The following CAPZB variants were observed in gnomAD, a reference collection of about 807,000 sequenced individuals.
The protein encoded by CAPZB is capping actin protein of muscle Z-line subunit beta.
A neutral mutation model predicts 38.1 loss-of-function variants in CAPZB; 2 were observed. The observed-to-expected ratio is 0.05, with a 90% CI of 0.02 to 0.17. The LOEUF is 0.17. Ranked by LOEUF, CAPZB falls within the 10% of genes least tolerant of loss-of-function variation. The pLI is 1.00. For missense variants in CAPZB, 161 were observed against 334.2 expected (o/e 0.48, Z 4.04); for synonymous variants, 107 against 127.4 (o/e 0.84, Z 1.08).
At chr1:19,365,169 T>C (rs936200821) in intron 4 of CAPZB, among the ~76,000 whole-genome samples, 8 of 152,142 alleles carry the variant, frequency 5.3e-5, no homozygotes, top group Non-Finnish European at 1.2e-4. Context: ...TGTGTTGCCA[T>C]GAAAATACCT....
intron 6 of CAPZB, among the ~76,000 whole-genome samples, chr1:19,350,506 C>T (rs1282956993): frequency 2.0e-5 from 3 of 152,388 alleles, no homozygotes; most frequent in South Asian, 2.1e-4. Context: ...GGTGGTCAGA[C>T]GGCTTCCCAG....
At chr1:19,415,303 G>C (rs943146593) in intron 2 of CAPZB, among the ~76,000 whole-genome samples, 3 of 152,220 alleles carry the variant, frequency 2.0e-5, no homozygotes, top group Non-Finnish European at 4.4e-5. Context: ...CAGTGCATTA[G>C]CTACTTTCAA....
At chr1:19,451,576 C>T (rs1292505451) in intron 1 of CAPZB, among the ~76,000 whole-genome samples, 1 of 152,110 alleles carries the variant, frequency 6.6e-6, no homozygotes. Context: ...ATCTGACCCT[C>T]AGACAAAACT....
At chr1:19,382,043 G>A (rs564477987) in intron 3 of CAPZB, among the ~76,000 whole-genome samples, 44 of 152,208 alleles carry the variant, frequency 2.9e-4, no homozygotes, top group African/African-American at 6.7e-4. Context: ...ACGCAGGACC[G>A]TTCCCACAGT....
intron 2 of CAPZB, among the ~76,000 whole-genome samples, chr1:19,406,191 AAGG>A (rs1384512152): frequency 6.6e-6 from 1 of 152,222 alleles, no homozygotes; most frequent in Non-Finnish European, 1.5e-5. Context: ...TGACCCAAAA[AAGG>A]AGGAGGGCGG....
chr1:19,467,690 A>G (rs1323795613), intron 1 of CAPZB, among the ~76,000 whole-genome samples: 1 of 152,194 alleles, frequency 6.6e-6, no homozygotes, highest in Non-Finnish European at 1.5e-5. Context: ...TCCCCATTAA[A>G]TTCTCTTCCA....
chr1:19,391,824 C>A (rs539299199), intron 2 of CAPZB, among the ~76,000 whole-genome samples: 1 of 152,168 alleles, frequency 6.6e-6, no homozygotes, highest in African/African-American at 2.4e-5. Context: ...GGGCTCAGCA[C>A]GGGAAGAGAT....
chr1:19,473,979 G>A (rs903665277), intron 1 of CAPZB, among the ~76,000 whole-genome samples: 1 of 152,050 alleles, frequency 6.6e-6, no homozygotes, highest in African/African-American at 2.4e-5. Context: ...GGAGAACTAA[G>A]CTATAGCATT....
chr1:19,475,049 G>A (rs2094602206), intron 1 of CAPZB, among the ~76,000 whole-genome samples: 1 of 152,100 alleles, frequency 6.6e-6, no homozygotes, highest in African/African-American at 2.4e-5. Flanking sequence ...AAAGCAAAGG[G>A]AGTGTCCACA....
At chr1:19,458,092 G>T (rs2094538657) in intron 1 of CAPZB, among the ~76,000 whole-genome samples, 1 of 105,122 alleles carries the variant, frequency 9.5e-6, no homozygotes, top group Non-Finnish European at 1.9e-5. Flanking sequence ...GAAATAAAAG[G>T]AGTTGCCAAA....
At chr1:19,353,407 A>T (rs1042858311) in intron 6 of CAPZB, among the ~76,000 whole-genome samples, 1 of 151,396 alleles carries the variant, frequency 6.6e-6, no homozygotes, top group Non-Finnish European at 1.5e-5. Flanking sequence ...CCCCCACCTC[A>T]CATCTTGGTC....
chr1:19,402,033 G>C (rs2094305874), intron 2 of CAPZB, among the ~76,000 whole-genome samples: 1 of 152,132 alleles, frequency 6.6e-6, no homozygotes, highest in Non-Finnish European at 1.5e-5. Context: ...TTATGAGAAG[G>C]GTTGCCAAAT....
chr1:19,422,673 C>G (rs1353839595), intron 1 of CAPZB, among the ~76,000 whole-genome samples: 1 of 151,874 alleles, frequency 6.6e-6, no homozygotes, highest in Non-Finnish European at 1.5e-5. Context: ...GGAGGCAGAG[C>G]TTGCAGTGAG....
intron 1 of CAPZB, among the ~76,000 whole-genome samples, chr1:19,481,422 G>A (rs2094628101): frequency 6.6e-6 from 1 of 152,206 alleles, no homozygotes; most frequent in South Asian, 2.1e-4. Flanking sequence ...AAAACACAGT[G>A]AGTGGGGTCC....
intron 1 of CAPZB, among the ~76,000 whole-genome samples, chr1:19,452,216 T>C (rs2094518414): frequency 6.6e-6 from 1 of 152,014 alleles, no homozygotes; most frequent in Non-Finnish European, 1.5e-5. Flanking sequence ...GGCTTCTGCA[T>C]GTACTATTCC....
chr1:19,385,264 T>C (rs1056717045), intron 3 of CAPZB, among the ~76,000 whole-genome samples: 3 of 152,182 alleles, frequency 2.0e-5, no homozygotes, highest in Non-Finnish European at 4.4e-5. Context: ...CGCTGCTCTA[T>C]CTCTCATGCT....
At chr1:19,386,243 C>T (rs887339379) in intron 2 of CAPZB, among the ~76,000 whole-genome samples, 1 of 152,216 alleles carries the variant, frequency 6.6e-6, no homozygotes, top group Admixed American at 6.5e-5. Context: ...AGAAAGATGA[C>T]CCCGCGGTCG....
chr1:19,463,999 C>G (rs2094560704), intron 1 of CAPZB, among the ~76,000 whole-genome samples: 1 of 143,340 alleles, frequency 7.0e-6, no homozygotes, highest in Admixed American at 7.2e-5. Context: ...ACATGGTGAA[C>G]CCCTATCTCT....
chr1:19,358,471 G>A (rs1290771659), intron 4 of CAPZB, among the ~76,000 whole-genome samples: 1 of 152,150 alleles, frequency 6.6e-6, no homozygotes, highest in Non-Finnish European at 1.5e-5. Flanking sequence ...AAATGGAAGA[G>A]GGATTTCTAA....
Sources: gnomAD v4.1 joint callset for allele counts (sites outside exome capture counted in the v4.1 genomes callset) on GRCh38, gnomAD v4.1.1 for gene constraint, MANE v1.5 for transcripts, NCBI Gene and HGNC (gene_info 2026-07-23, HGNC 2026-07-21) for gene names.